PCDHA8: variants seen among roughly 807,000 people sequenced by gnomAD.
PCDHA8 encodes the protein protocadherin alpha 8, also known as protocadherin alpha-8.
A neutral mutation model predicts 61.8 loss-of-function variants in PCDHA8; 53 were observed. The observed-to-expected ratio is 0.86, with a 90% CI of 0.69 to 1.08. PCDHA8 has a LOEUF of 1.08. Among genes scored for constraint, PCDHA8 ranks in the 50% least tolerant of loss-of-function variants. The pLI is 0.00. For synonymous variants in PCDHA8, 618 were observed against 556.6 expected, an observed-to-expected ratio of 1.11 and a Z score of -1.55; for missense variants, 1,293 against 1,245.0, an observed-to-expected ratio of 1.04 and a Z score of -0.58.
intron 1 of PCDHA8, chr5:140,968,038 C>T (rs1554230238): frequency 8.7e-6 from 14 of 1,614,148 alleles, no homozygotes; most frequent in East Asian, 2.2e-5. Flanking sequence ...TGGTGGTGAG[C>T]GGCCCACTGG....
intron 1 of PCDHA8, among the ~76,000 whole-genome samples, chr5:140,932,418 ATTG>A (rs1457931424): frequency 1.3e-5 from 2 of 151,928 alleles, no homozygotes; most frequent in African/African-American, 4.8e-5. Context: ...ATATTAGTGT[ATTG>A]TTCACCTGGA....
chr5:140,941,942 T>C (rs2093203170), intron 1 of PCDHA8, among the ~76,000 whole-genome samples: 1 of 152,234 alleles, frequency 6.6e-6, no homozygotes, highest in African/African-American at 2.4e-5. Flanking sequence ...GAATTACTTT[T>C]GTTTTGAAAA....
Position 141,009,792 on chromosome 5 carries a change from C to G in PCDHA8, c.2708C>G (p.Pro903Arg), listed in dbSNP as rs1359138927. ...SPAIISIRQEPTNSQIDKSDF... is the reference protein window; with the variant it reads ...SPAIISIRQERTNSQIDKSDF... ...GCAATCATCTCCATCCGGCAGGAGC[C>G]TACTAACAGCCAAATTGACAAAAGT... The change falls in exon 4 of 4, where the codon CCT (proline) becomes CGT (arginine). Residue 903 changes from proline (P) to arginine (R), a missense_variant. Physicochemically the swap from Pro to Arg is moderately radical, Grantham distance 103. Coordinates refer to ENST00000531613, the MANE Select transcript of PCDHA8 (RefSeq NM_018911.3). The G allele has an allele frequency of 4.3e-6, 7 of 1,613,950 alleles. 1 individual carries two copies. Among genetic ancestry groups the G allele is most frequent in the Middle Eastern group, 3.3e-4 (2 of 6,084 alleles).
At chr5:140,899,512 G>T (rs4386771) in intron 1 of PCDHA8, among the ~76,000 whole-genome samples, 1 of 152,040 alleles carries the variant, frequency 6.6e-6, no homozygotes, top group African/African-American at 2.4e-5. Flanking sequence ...TGCATATATT[G>T]CATCCCAGGG....
intron 1 of PCDHA8, chr5:140,862,791 G>A (rs782639549): frequency 1.7e-6 from 1 of 578,844 alleles, no homozygotes; most frequent in Non-Finnish European, 3.3e-6. Context: ...TGGACTACGA[G>A]GAGCTGGAGC....
At chr5:140,889,332 G>T (rs1387530088) in intron 1 of PCDHA8, among the ~76,000 whole-genome samples, 1 of 151,982 alleles carries the variant, frequency 6.6e-6, no homozygotes, top group African/African-American at 2.4e-5. Flanking sequence ...TCAGGATTTT[G>T]ATTGGTGGGA....
rs1778555450 is a variant in PCDHA8 at position 140,843,092 on chromosome 5, G to A, written c.1771G>A (p.Val591Ile). The change falls in exon 1 of 4, where the codon GTA becomes ATA. Residue 591 changes from valine (V) to isoleucine (I), a missense_variant. Val to Ile is a conservative substitution (Grantham distance 29, BLOSUM62 3). Coordinates refer to ENST00000531613, the MANE Select transcript of PCDHA8 (RefSeq NM_018911.3). ...GCGGTCTGTGGGCGCGGGCCACGTG[G>A]TAGCGAAGGTGCGCGCAGTGGACGC... The part of the protein sequence containing the change: ...VPRSVGAGHV[V>I]AKVRAVDADS... The A allele has an allele frequency of 6.3e-7, 1 of 1,595,654 alleles. No homozygotes were observed.
At chr5:140,902,989 T>G (rs1350698990) in intron 1 of PCDHA8, among the ~76,000 whole-genome samples, 1 of 152,238 alleles carries the variant, frequency 6.6e-6, no homozygotes, top group East Asian at 1.9e-4. Context: ...GGTTCCATAT[T>G]TTTGCAATTG....
At chr5:140,846,935 A>G (rs2150395961) in intron 1 of PCDHA8, among the ~76,000 whole-genome samples, 1 of 149,782 alleles carries the variant, frequency 6.7e-6, no homozygotes, top group African/African-American at 2.4e-5. Flanking sequence ...TTTTGAAGAA[A>G]TACTTGAAGG....
At chr5:140,966,455 C>G (rs376758355) in intron 1 of PCDHA8, 20 of 426,928 alleles carry the variant, frequency 4.7e-5, no homozygotes, top group East Asian at 2.8e-4. Flanking sequence ...CCCCCTCCCC[C>G]TCTGTCTTCC....
At chr5:140,944,928 C>A (rs1554216614) in intron 1 of PCDHA8, among the ~76,000 whole-genome samples, 1 of 152,074 alleles carries the variant, frequency 6.6e-6, no homozygotes, top group Non-Finnish European at 1.5e-5. Flanking sequence ...TTGGTTTATG[C>A]CTTCTTTAGA....
At chr5:140,989,007 A>C (rs1356295875) in intron 3 of PCDHA8, 1 of 152,216 alleles carries the variant, frequency 6.6e-6, no homozygotes, top group Non-Finnish European at 1.5e-5. Flanking sequence ...ATAGAGACTT[A>C]TTATAGTTTC....
chr5:140,969,907 G>A (rs2096367708), intron 1 of PCDHA8, among the ~76,000 whole-genome samples: 1 of 152,204 alleles, frequency 6.6e-6, no homozygotes, highest in Non-Finnish European at 1.5e-5. Context: ...CATGTCACAA[G>A]TGATAAAGCT....
At chr5:140,970,911 T>C (rs1003828575) in intron 1 of PCDHA8, among the ~76,000 whole-genome samples, 2 of 152,194 alleles carry the variant, frequency 1.3e-5, no homozygotes, top group East Asian at 3.9e-4. Context: ...ATTTATTCAT[T>C]TATCAGAAGT....
chr5:140,875,578 T>C lies in PCDHA8; in HGVS notation c.2394+31863T>C, dbSNP rs534589966. 6 of 1,614,098 alleles carry C rather than the reference T, an allele frequency of 3.7e-6. No homozygotes were observed. Among genetic ancestry groups the C allele is most frequent in the East Asian group, 4.5e-5 (2 of 44,882 alleles). On this transcript the variant is annotated intron_variant, in intron 1 of 3. Coordinates refer to ENST00000531613, the MANE Select transcript of PCDHA8 (RefSeq NM_018911.3). ...GAGCGGCCAGCTCCACTACTCCGTC[T>C]ACGAGGAGGCCAAACACGGCACCTT... is the stretch of plus-strand genomic sequence containing the variant.
intron 1 of PCDHA8, among the ~76,000 whole-genome samples, chr5:140,879,173 G>A (rs1010561937): frequency 6.6e-6 from 1 of 152,278 alleles, no homozygotes; most frequent in Non-Finnish European, 1.5e-5. Context: ...AATAAATTAG[G>A]TATCAAGTAA....
At chr5:140,863,065 G>C (rs2047759481) in intron 1 of PCDHA8, 1 of 566,972 alleles carries the variant, frequency 1.8e-6, no homozygotes, top group Non-Finnish European at 3.5e-6. Flanking sequence ...GTTCCACGTG[G>C]GGCTCTGCAC....
intron 1 of PCDHA8, chr5:140,853,722 A>C (rs1236467209): frequency 2.0e-6 from 2 of 988,342 alleles, no homozygotes; most frequent in African/African-American, 1.8e-5. Flanking sequence ...GCAGCACCTA[A>C]GTCCTCATTG....
intron 1 of PCDHA8, among the ~76,000 whole-genome samples, chr5:140,887,521 T>C (rs561642770): frequency 1.3e-5 from 2 of 152,346 alleles, no homozygotes; most frequent in Admixed American, 1.3e-4. Flanking sequence ...TTTTTATATA[T>C]GAGTCTTCCT....
Sources: allele counts gnomAD v4.1 joint callset (sites outside exome capture counted in the v4.1 genomes callset), GRCh38; gene constraint gnomAD v4.1.1; transcripts MANE v1.5; gene names NCBI Gene and HGNC (gene_info 2026-07-23, HGNC 2026-07-21).